The following ASTN2 variants were observed in gnomAD, a reference collection of about 807,000 sequenced individuals.
ASTN2 encodes astrotactin 2.
A neutral mutation model predicts 139.8 loss-of-function variants in ASTN2; 54 were observed. The ratio of observed to expected loss-of-function variants is 0.39; its 90% CI spans 0.31 to 0.48. The LOEUF (loss-of-function observed/expected upper bound fraction) is 0.48, where lower values mean the gene tolerates loss of function less well. Ranked by LOEUF, ASTN2 falls within the 20% of genes least tolerant of loss-of-function variation. The pLI is 0.95. For synonymous variants in ASTN2, 756 were observed against 719.5 expected (o/e 1.05, Z -0.81); for missense variants, 1,565 against 1,725.1 (o/e 0.91, Z 1.64).
At position 116,655,640 on chromosome 9, in the gene ASTN2, G is replaced by A. The variant is rs146493347; in HGVS notation, c.2807-3847C>T. Among the ~76,000 whole-genome samples, 7 of 152,162 alleles carry A rather than the reference G, an allele frequency of 4.6e-5. No homozygotes were observed. In the South Asian group the frequency reaches 8.3e-4, roughly 18 times the overall value. On this transcript the variant is annotated intron_variant, in intron 16 of 22. Coordinates refer to ENST00000313400, the MANE Select transcript of ASTN2 (RefSeq NM_001365068.1). The stretch of plus-strand genomic sequence containing the variant: ...TCATCCCTCAGGTCTTAGTTCAAGT[G>A]CCCATTCCTCAGAAAAGCCTTCCCT...
At position 116,455,801 on chromosome 9, in the gene ASTN2, G is replaced by C. The variant is rs907474798; in HGVS notation, c.3498-13248C>G. ...AAGTAATACAATCTATTTTTGTAGA[G>C]ACATAATTTTATATATGGAAAATAA... On this transcript the variant is annotated intron_variant, in intron 20 of 22. Transcript: ENST00000313400. Among the ~76,000 whole-genome samples, 4 of 150,528 alleles carry C rather than the reference G, an allele frequency of 2.7e-5. No individual in the cohort carries two copies. In the South Asian group the frequency reaches 8.4e-4, roughly 31 times the overall value.
intron 2 of ASTN2, among the ~76,000 whole-genome samples, chr9:117,282,072 C>T (rs1834338429): frequency 2.0e-5 from 3 of 152,144 alleles, no homozygotes; most frequent in South Asian, 2.1e-4. Context: ...GTTTCATTTT[C>T]CCCCATCTCT....
intron 1 of ASTN2, among the ~76,000 whole-genome samples, chr9:117,379,886 A>G (rs1358775454): frequency 6.6e-6 from 1 of 152,220 alleles, no homozygotes. Context: ...TATAATAGAT[A>G]GCTATGGATA....
intron 2 of ASTN2, among the ~76,000 whole-genome samples, chr9:117,222,494 C>T (rs573866956): frequency 1.2e-4 from 18 of 152,234 alleles, no homozygotes; most frequent in East Asian, 1.9e-4. Context: ...AAGTGAGTGG[C>T]GAAGAGAAGG....
At chr9:116,830,724 G>T (rs185298843) in intron 11 of ASTN2, among the ~76,000 whole-genome samples, 1 of 150,856 alleles carries the variant, frequency 6.6e-6, no homozygotes, top group African/African-American at 2.4e-5. Flanking sequence ...CCCAGGAGGC[G>T]GAGGTCACAG....
chr9:117,277,024 T>A (rs901809583), intron 2 of ASTN2: 1 of 152,208 alleles, frequency 6.6e-6, no homozygotes, highest in Non-Finnish European at 1.5e-5. Context: ...TGTCACTCCA[T>A]TGACCTCCAG....
In ASTN2 at chr9:117,291,399, G is replaced by A. The variant is rs754200116; in HGVS notation, c.557C>T (p.Ala186Val). ...SMSSSGQLAQ[A>V]TAPTLQEPSE... ...GGGCTCCTGGAGAGTGGGGGCGGTG[G>A]CTTGGGCCAGCTGCCCGGAGCTGCT... The change falls in exon 2 of 23, where the codon GCC becomes GTC. Residue 186 changes from alanine (A) to valine (V), a missense_variant. Ala to Val is a moderately conservative substitution (Grantham distance 64). Transcript: ENST00000313400. The A allele has an allele frequency of 2.5e-5, 41 of 1,614,112 alleles. No individual in the cohort carries two copies. The East Asian group carries it at 8.7e-4, about 34-fold the overall frequency.
chr9:116,619,539 G>C (rs1856018054), intron 18 of ASTN2, among the ~76,000 whole-genome samples: 1 of 151,524 alleles, frequency 6.6e-6, no homozygotes, highest in Non-Finnish European at 1.5e-5. Context: ...AAATGTTGTT[G>C]TTGAGACAGG....
At chr9:116,432,084 C>G (rs1847516564) in intron 22 of ASTN2, among the ~76,000 whole-genome samples, 1 of 152,150 alleles carries the variant, frequency 6.6e-6, no homozygotes, top group African/African-American at 2.4e-5. Flanking sequence ...ATCTAAAAGG[C>G]ATGAGAGCCT....
At chr9:117,155,090 C>T (rs1047342905) in intron 3 of ASTN2, among the ~76,000 whole-genome samples, 2 of 151,960 alleles carry the variant, frequency 1.3e-5, no homozygotes, top group African/African-American at 4.8e-5. Context: ...GCTGGACTGT[C>T]CCAAGCATGT....
intron 2 of ASTN2, among the ~76,000 whole-genome samples, chr9:117,288,369 T>A (rs1169308338): frequency 6.6e-6 from 1 of 152,172 alleles, no homozygotes; most frequent in Non-Finnish European, 1.5e-5. Flanking sequence ...GAGCAGGATA[T>A]CTGTGCTGTC....
chr9:117,263,926 G>T (rs1342286008), intron 2 of ASTN2, among the ~76,000 whole-genome samples: 1 of 152,042 alleles, frequency 6.6e-6, no homozygotes, highest in Non-Finnish European at 1.5e-5. Context: ...CAGCACATTG[G>T]GAGGCTGAGA....
At chr9:116,556,634 G>T (rs1193571602) in intron 19 of ASTN2, among the ~76,000 whole-genome samples, 1 of 152,152 alleles carries the variant, frequency 6.6e-6, no homozygotes, top group African/African-American at 2.4e-5. Context: ...AAAAGAGGTT[G>T]ACAATGACTC....
chr9:117,387,772 G>C (rs1416943), intron 1 of ASTN2, among the ~76,000 whole-genome samples: 14 of 152,006 alleles, frequency 9.2e-5, no homozygotes, highest in Non-Finnish European at 1.9e-4. Context: ...ACTTCTGGAC[G>C]TGGGTTGTGG....
Position 116,435,338 on chromosome 9 carries a change from T to A in ASTN2, c.3782+5271A>T, listed in dbSNP as rs553085172. On this transcript the variant is annotated intron_variant, in intron 22 of 22. Coordinates refer to ENST00000313400, the MANE Select transcript of ASTN2 (RefSeq NM_001365068.1). ...CTTATTTACACTGTGATGTTCTGCA[T>A]ACTTGCTAATCCTTGAAAGGCAGAG... 1.7e-4 allele frequency among the ~76,000 whole-genome samples: 26 copies of A among 152,320 alleles called. No individual in the cohort carries two copies. In the South Asian group the frequency reaches 4.6e-3, roughly 27 times the overall value.
At chr9:116,634,516 GGAGGCGGAGCTTGCAGTGAGCCGA>G (rs1856966630) in intron 17 of ASTN2, among the ~76,000 whole-genome samples, 1 of 150,626 alleles carries the variant, frequency 6.6e-6, no homozygotes, top group Admixed American at 6.6e-5. Context: ...CGTGAACCCG[GGAGGCGGAGCTTGCAGTGAGCCGA>G]GATCGCGCCA....
At chr9:117,188,143 GAT>G (rs1831251067) in intron 3 of ASTN2, among the ~76,000 whole-genome samples, 1 of 150,232 alleles carries the variant, frequency 6.7e-6, no homozygotes, top group Non-Finnish European at 1.5e-5. Flanking sequence ...TCCAGTGAAA[GAT>G]GTGTGTGTGT....
intron 16 of ASTN2, among the ~76,000 whole-genome samples, chr9:116,659,721 T>C (rs1588153031): frequency 1.3e-5 from 2 of 152,142 alleles, no homozygotes; most frequent in East Asian, 3.9e-4. Flanking sequence ...CATGGGCTAA[T>C]AGGGTCTCCT....
intron 3 of ASTN2, among the ~76,000 whole-genome samples, chr9:117,190,417 C>A (rs1261270385): frequency 1.3e-5 from 2 of 152,160 alleles, no homozygotes; most frequent in African/African-American, 2.4e-5. Context: ...TGAGTTGCAA[C>A]TCTATGTCCA....
Sources: allele counts gnomAD v4.1 joint callset (sites outside exome capture counted in the v4.1 genomes callset), GRCh38; gene constraint gnomAD v4.1.1; transcripts MANE v1.5; gene names NCBI Gene and HGNC (gene_info 2026-07-23, HGNC 2026-07-21).